LRP1B: variants seen among roughly 807,000 people sequenced by gnomAD.
LRP1B encodes LDL receptor related protein 1B.
Under a neutral mutation model 556.6 loss-of-function variants are expected in LRP1B, and 217 were observed. That is an observed-to-expected ratio of 0.39 (90% CI 0.35 to 0.44). The LOEUF (loss-of-function observed/expected upper bound fraction) is 0.44, where lower values mean the gene tolerates loss of function less well. LRP1B is among the 20% of genes least tolerant of loss of function. The pLI, the probability that LRP1B is intolerant of heterozygous loss-of-function variation, is 1.00. For synonymous variants in LRP1B, 2,047 were observed against 1,865.8 expected (o/e 1.10, Z -2.50); for missense variants, 5,053 against 5,620.8 (o/e 0.90, Z 3.23).
chr2:141,143,258 A>G (rs1701703077), intron 7 of LRP1B, among the ~76,000 whole-genome samples: 1 of 151,992 alleles, frequency 6.6e-6, no homozygotes, highest in African/African-American at 2.4e-5. Flanking sequence ...CTAGCCCTTA[A>G]GTGGGCCTTT....
At chr2:141,000,757 G>A (rs1190025801) in intron 15 of LRP1B, among the ~76,000 whole-genome samples, 1 of 151,926 alleles carries the variant, frequency 6.6e-6, no homozygotes, top group Admixed American at 6.6e-5. Flanking sequence ...GGCTTTGTAG[G>A]ATTTTACTTC....
At chr2:141,030,328 A>G (rs1698332017) in intron 11 of LRP1B, among the ~76,000 whole-genome samples, 1 of 152,130 alleles carries the variant, frequency 6.6e-6, no homozygotes, top group South Asian at 2.1e-4. Context: ...TGTTTGTCTC[A>G]GAATGATATT....
At chr2:141,262,780 T>C (rs1684745587) in intron 3 of LRP1B, among the ~76,000 whole-genome samples, 1 of 152,130 alleles carries the variant, frequency 6.6e-6, no homozygotes, top group Non-Finnish European at 1.5e-5. Flanking sequence ...GTCTGTCCTT[T>C]CTATAAATTA....
chr2:140,502,612 CA>C (rs1203991933), intron 54 of LRP1B, among the ~76,000 whole-genome samples: 1 of 151,984 alleles, frequency 6.6e-6, no homozygotes, highest in Non-Finnish European at 1.5e-5. Context: ...GACTACTTCA[CA>C]GTAAATTTTA....
At chr2:141,970,714 T>G (rs1303051511) in intron 1 of LRP1B, among the ~76,000 whole-genome samples, 3 of 151,582 alleles carry the variant, frequency 2.0e-5, no homozygotes, top group Non-Finnish European at 4.4e-5. Context: ...GTCCTCTCCT[T>G]TATCAACCAT....
At chr2:141,246,975 A>G (rs1222505349) in intron 5 of LRP1B, among the ~76,000 whole-genome samples, 1 of 152,020 alleles carries the variant, frequency 6.6e-6, no homozygotes, top group African/African-American at 2.4e-5. Context: ...CATCTCAAAG[A>G]AAAAAAAGAA....
Position 140,597,254 on chromosome 2 carries a change from C to G in LRP1B, c.7194+1377G>C, listed in dbSNP as rs116181599. ...CAATTAAACAATGCACATCTTTTAACTGTCAGAAAAAATCCTTTAAATTAT... is the reference window on the plus strand; with the variant it reads ...CAATTAAACAATGCACATCTTTTAAGTGTCAGAAAAAATCCTTTAAATTAT... On this transcript the variant is annotated intron_variant, in intron 43 of 90. Coordinates refer to ENST00000389484, the MANE Select transcript of LRP1B (RefSeq NM_018557.3). 3.5e-3 allele frequency among the ~76,000 whole-genome samples: 536 copies of G among 152,170 alleles called. 6 individuals are homozygous for G. Among genetic ancestry groups the G allele is most frequent in the African/African-American group, 0.012 (515 of 41,528 alleles).
At chr2:141,378,945 A>G (rs1043039593) in intron 3 of LRP1B, among the ~76,000 whole-genome samples, 1 of 152,194 alleles carries the variant, frequency 6.6e-6, no homozygotes, top group Non-Finnish European at 1.5e-5. Flanking sequence ...CGAACAGGGA[A>G]GTGAGAATAT....
chr2:140,966,853 A>C (rs985590780), intron 18 of LRP1B, among the ~76,000 whole-genome samples: 3 of 152,074 alleles, frequency 2.0e-5, no homozygotes, highest in African/African-American at 7.2e-5. Flanking sequence ...AGATGGTTGT[A>C]GATGTGTGGT....
At chr2:140,304,566 G>T (rs1036626059) in intron 83 of LRP1B, among the ~76,000 whole-genome samples, 1 of 152,148 alleles carries the variant, frequency 6.6e-6, no homozygotes, top group Non-Finnish European at 1.5e-5. Context: ...CACTTTGTCG[G>T]ATGAGTAGAT....
intron 1 of LRP1B, among the ~76,000 whole-genome samples, chr2:141,927,551 A>G (rs1456878042): frequency 6.6e-6 from 1 of 152,040 alleles, no homozygotes; most frequent in Admixed American, 6.6e-5. Context: ...GCATATCCTA[A>G]TCAGTGCCAT....
chr2:140,873,047 C>T (rs1693189707), intron 25 of LRP1B, among the ~76,000 whole-genome samples: 1 of 151,960 alleles, frequency 6.6e-6, no homozygotes, highest in Non-Finnish European at 1.5e-5. Context: ...AATATTTTTT[C>T]CAGTTTACAT....
At chr2:141,426,716 A>AT (rs1249787237) in intron 3 of LRP1B, among the ~76,000 whole-genome samples, 2 of 152,086 alleles carry the variant, frequency 1.3e-5, no homozygotes, top group Non-Finnish European at 2.9e-5. Context: ...ATGCTTTTTT[A>AT]TTTGTTATTT....
At chr2:141,596,494 T>G (rs2105301911) in intron 2 of LRP1B, among the ~76,000 whole-genome samples, 1 of 152,164 alleles carries the variant, frequency 6.6e-6, no homozygotes, top group East Asian at 1.9e-4. Flanking sequence ...AATAGCCTTC[T>G]TTTTCTATTA....
chr2:141,532,957 A>C (rs1684941740), intron 2 of LRP1B, among the ~76,000 whole-genome samples: 1 of 152,034 alleles, frequency 6.6e-6, no homozygotes, highest in African/African-American at 2.4e-5. Context: ...CTGCACTCCA[A>C]CCTAGGCAAC....
intron 77 of LRP1B, among the ~76,000 whole-genome samples, chr2:140,345,582 T>C (rs997610759): frequency 6.7e-6 from 1 of 150,354 alleles, no homozygotes; most frequent in African/African-American, 2.4e-5. Context: ...GTTTTATGTA[T>C]GTCCTCTATT....
intron 71 of LRP1B, 46 bp from the exon 72 acceptor site, chr2:140,364,829 T>C: frequency 6.3e-7 from 1 of 1,583,612 alleles, no homozygotes; most frequent in South Asian, 1.1e-5. Flanking sequence ...GAGTAATCAG[T>C]GCCAGTCAGC....
chr2:141,073,595 C>T (rs779797922), intron 7 of LRP1B, among the ~76,000 whole-genome samples: 5 of 152,094 alleles, frequency 3.3e-5, no homozygotes, highest in Admixed American at 6.6e-5. Context: ...AACTCATAAA[C>T]ACAGTTGTTT....
chr2:141,829,857 A>C (rs1490265202), intron 1 of LRP1B, among the ~76,000 whole-genome samples: 1 of 152,018 alleles, frequency 6.6e-6, no homozygotes, highest in Non-Finnish European at 1.5e-5. Flanking sequence ...CTAAATATTC[A>C]AGATTTCCAC....
Sources: allele counts gnomAD v4.1 joint callset (sites outside exome capture counted in the v4.1 genomes callset), GRCh38; gene constraint gnomAD v4.1.1; transcripts MANE v1.5; gene names NCBI Gene and HGNC (gene_info 2026-07-23, HGNC 2026-07-21).